The following FRMD4A variants were observed in gnomAD, a reference collection of about 807,000 sequenced individuals.
FRMD4A encodes the protein FERM domain-containing protein 4A.
A neutral mutation model predicts 129.1 loss-of-function variants in FRMD4A; 29 were observed. The ratio of observed to expected loss-of-function variants is 0.22; its 90% CI spans 0.17 to 0.31. The LOEUF is 0.31. Among genes scored for constraint, FRMD4A ranks in the 10% least tolerant of loss-of-function variants. The pLI is 1.00. For missense variants in FRMD4A, 1,272 were observed against 1,375.8 expected (o/e 0.92, Z 1.19); for synonymous variants, 634 against 571.6 (o/e 1.11, Z -1.56).
chr10:14,118,141 G>A (rs998065149), intron 2 of FRMD4A, among the ~76,000 whole-genome samples: 1 of 152,166 alleles, frequency 6.6e-6, no homozygotes, highest in South Asian at 2.1e-4. Context: ...ACCTCCATAT[G>A]AGTTTGACCA....
chr10:14,324,876 G>C (rs778986955), intron 2 of FRMD4A, among the ~76,000 whole-genome samples: 4 of 152,210 alleles, frequency 2.6e-5, no homozygotes, highest in Non-Finnish European at 5.9e-5. Flanking sequence ...GGCCAAGCTA[G>C]TCTCAAACAC....
chr10:13,689,840 G>C (rs964537995), intron 15 of FRMD4A, among the ~76,000 whole-genome samples: 8 of 150,356 alleles, frequency 5.3e-5, no homozygotes, highest in African/African-American at 2.0e-4. Flanking sequence ...CTCCTGAATA[G>C]GCGTGAGCCA....
chr10:13,956,088 T>G (rs1214512180), intron 2 of FRMD4A, among the ~76,000 whole-genome samples: 5 of 152,226 alleles, frequency 3.3e-5, no homozygotes, highest in Admixed American at 3.3e-4. Context: ...ATACTACCAT[T>G]TACGGAGCAC....
At chr10:13,791,098 A>G (rs2092990127) in intron 5 of FRMD4A, among the ~76,000 whole-genome samples, 1 of 152,212 alleles carries the variant, frequency 6.6e-6, no homozygotes, top group South Asian at 2.1e-4. Flanking sequence ...CAAAAACACA[A>G]TTAAAGATAC....
intron 2 of FRMD4A, among the ~76,000 whole-genome samples, chr10:14,244,622 G>A (rs1165160757): frequency 2.0e-5 from 3 of 152,132 alleles, no homozygotes; most frequent in East Asian, 3.8e-4. Context: ...ACTACAAAAC[G>A]AAATGAAAAA....
chr10:14,088,690 C>T (rs1489646553), intron 2 of FRMD4A, among the ~76,000 whole-genome samples: 1 of 145,142 alleles, frequency 6.9e-6, no homozygotes, highest in Non-Finnish European at 1.5e-5. Context: ...ATGCCATGAA[C>T]CTGGGAGCTT....
chr10:14,127,980 T>TCTCTCTC lies in FRMD4A; in HGVS notation c.45+202077_45+202078insGAGAGAG, dbSNP rs1554766246. Reference sequence around the variant, plus strand: ...TTTCTTTCTTTCTTTCTTTCTTTCCTTCTCTCTCTCTCTCTCTCTCTTTCT... The same window carrying TCTCTCTC: ...TTTCTTTCTTTCTTTCTTTCTTTCCTCTCTCTCTCTCTCTCTCTCTCTCTCTCTTTCT... On this transcript the variant is annotated intron_variant, in intron 2 of 24. Transcript: ENST00000357447. 1.4e-3 allele frequency among the ~76,000 whole-genome samples: 27 copies of TCTCTCTC among 19,380 alleles called. 2 individuals carry two copies. Among genetic ancestry groups the TCTCTCTC allele is most frequent in the Admixed American group, 5.1e-3 (10 of 1,974 alleles). The allele number at this position is 19,380 out of a possible 152,430, so 12.7% of individuals were successfully genotyped here.
At chr10:13,992,098 C>G (rs1015259002) in intron 2 of FRMD4A, 1 of 152,168 alleles carries the variant, frequency 6.6e-6, no homozygotes, top group African/African-American at 2.4e-5. Context: ...CTTCAATGGT[C>G]ATTTTGAAAA....
chr10:14,262,724 G>C (rs1038619074), intron 2 of FRMD4A, among the ~76,000 whole-genome samples: 2 of 152,186 alleles, frequency 1.3e-5, no homozygotes, highest in Admixed American at 6.5e-5. Context: ...TAAAGCTCCA[G>C]TAATGGGGAA....
intron 2 of FRMD4A, among the ~76,000 whole-genome samples, chr10:14,056,347 A>C (rs533313326): frequency 4.6e-5 from 7 of 152,070 alleles, no homozygotes; most frequent in South Asian, 4.2e-4. Context: ...CATTCTTTAT[A>C]ACTATGTTTT....
rs573003993 is a variant in FRMD4A, at chr10:14,020,666, A to AT, written c.46-161755dup. Among the ~76,000 whole-genome samples, 1,471 of 147,398 alleles carry AT rather than the reference A, an allele frequency of 1.0e-2. 16 individuals are homozygous for AT. The highest frequency in any genetic ancestry group is 0.042 in the Middle Eastern group (12 of 288). ...GGTGACTGGAAAAAAGGCAGCCCCA[A>AT]TTTTTTTTTTTGTTTTGTTTAGAGG... On this transcript the variant is annotated intron_variant, in intron 2 of 24. Transcript: ENST00000357447.
At chr10:14,284,010 G>A (rs1356141200) in intron 2 of FRMD4A, among the ~76,000 whole-genome samples, 1 of 152,010 alleles carries the variant, frequency 6.6e-6, no homozygotes, top group East Asian at 1.9e-4. Context: ...ACAAATAGTT[G>A]GTAAGTAAAG....
intron 2 of FRMD4A, among the ~76,000 whole-genome samples, chr10:14,069,150 A>C (rs961397823): frequency 5.3e-5 from 8 of 152,194 alleles, no homozygotes; most frequent in African/African-American, 1.9e-4. Context: ...CAGGATGTTA[A>C]GTAGTTTGGC....
At chr10:13,890,761 G>T in intron 2 of FRMD4A, 1 of 985,318 alleles carries the variant, frequency 1.0e-6, no homozygotes, top group Non-Finnish European at 1.2e-6. Context: ...GCGGGCATTG[G>T]TTCTCGTTTC....
At chr10:14,137,258 C>T (rs973599379) in intron 2 of FRMD4A, among the ~76,000 whole-genome samples, 5 of 152,204 alleles carry the variant, frequency 3.3e-5, no homozygotes, top group African/African-American at 1.2e-4. Context: ...AATAACTCCC[C>T]CTTGCCCAGT....
intron 2 of FRMD4A, among the ~76,000 whole-genome samples, chr10:13,958,281 G>T (rs7098062): frequency 1.6e-3 from 166 of 104,570 alleles, no homozygotes; most frequent in Non-Finnish European, 1.8e-3. Context: ...CATGACCATT[G>T]TTTTTTTTTT....
intron 6 of FRMD4A, among the ~76,000 whole-genome samples, chr10:13,773,318 T>C (rs1195316902): frequency 6.6e-6 from 1 of 152,188 alleles, no homozygotes; most frequent in Non-Finnish European, 1.5e-5. Flanking sequence ...CTGGAGACTT[T>C]CTCTTCTCAG....
chr10:14,169,473 G>A (rs1157907599), intron 2 of FRMD4A, among the ~76,000 whole-genome samples: 1 of 152,102 alleles, frequency 6.6e-6, no homozygotes, highest in Non-Finnish European at 1.5e-5. Flanking sequence ...CCTGGGTCTG[G>A]GGGTAACATA....
intron 5 of FRMD4A, among the ~76,000 whole-genome samples, chr10:13,790,754 G>A (rs1372974035): frequency 6.6e-6 from 1 of 152,072 alleles, no homozygotes; most frequent in Non-Finnish European, 1.5e-5. Flanking sequence ...CGAGAGGCCT[G>A]TGGGGAGGGG....
Sources: gnomAD v4.1 joint callset for allele counts (sites outside exome capture counted in the v4.1 genomes callset) on GRCh38, gnomAD v4.1.1 for gene constraint, MANE v1.5 for transcripts, NCBI Gene and HGNC (gene_info 2026-07-23, HGNC 2026-07-21) for gene names.